The following CEP192 variants were observed in gnomAD, a reference collection of about 807,000 sequenced individuals.
CEP192 encodes the protein centrosomal protein of 192 kDa.
In CEP192, 151 loss-of-function variants were observed where a neutral mutation model predicts 271.8. The observed-to-expected ratio is 0.56, with a 90% CI of 0.49 to 0.64. The LOEUF (loss-of-function observed/expected upper bound fraction) is 0.64, where lower values mean the gene tolerates loss of function less well. Ranked by LOEUF, CEP192 falls within the 30% of genes least tolerant of loss-of-function variation. CEP192 has a pLI of 0.00. For synonymous variants in CEP192, 995 were observed against 1,076.5 expected, an observed-to-expected ratio of 0.92 and a Z score of 1.48; for missense variants, 2,910 against 3,020.5, an observed-to-expected ratio of 0.96 and a Z score of 0.86.
intron 7 of CEP192, among the ~76,000 whole-genome samples, chr18:13,017,577 C>T (rs1599079440): frequency 6.6e-6 from 1 of 152,192 alleles, no homozygotes; most frequent in South Asian, 2.1e-4. Flanking sequence ...CTCCAGTTAA[C>T]CAATTGCTAA....
intron 4 of CEP192, among the ~76,000 whole-genome samples, chr18:13,009,482 G>A (rs535339763): frequency 5.5e-4 from 84 of 152,188 alleles, no homozygotes; most frequent in African/African-American, 2.0e-3. Flanking sequence ...AGAAATTACT[G>A]TTTCTAAGAA....
At chr18:13,088,989 G>A (rs930638079) in intron 32 of CEP192, 1 of 380,376 alleles carries the variant, frequency 2.6e-6, no homozygotes, top group African/African-American at 2.1e-5. Context: ...ATTAACAGTA[G>A]TGAGATTTTT....
chr18:13,099,706 G>A, intron 37 of CEP192, 125 bp downstream of exon 37: 1 of 561,540 alleles, frequency 1.8e-6, no homozygotes, highest in East Asian at 3.0e-5. Flanking sequence ...CTTCATATTT[G>A]TGGGTTCCAC....
rs538076694 is a variant in CEP192, at chr18:13,056,563, A to C, written c.3973A>C (p.Thr1325Pro). The C allele has an allele frequency of 6.2e-7, 1 of 1,614,080 alleles. No individual in the cohort carries two copies. The highest frequency in any genetic ancestry group is 8.5e-7 in the Non-Finnish European group (1 of 1,179,984). Residue 1325 changes from threonine (T) to proline (P), a missense_variant, in exon 19 of 45, where the codon ACC (threonine) becomes CCC (proline). By Grantham distance (38) the Thr-to-Pro change is conservative. Transcript: ENST00000506447. The stretch of plus-strand genomic sequence containing the variant: ...AAATATCGGCTCTGGATGGATGGGT[A>C]CCTCTTCCCTCTGTAACCCATATTC... Reference protein sequence around the residue: ...GSNIGSGWMGTSSLCNPYSNT... With the variant: ...GSNIGSGWMGPSSLCNPYSNT...
chr18:13,033,998 G>C (rs2143641001), intron 11 of CEP192, among the ~76,000 whole-genome samples: 1 of 152,310 alleles, frequency 6.6e-6, no homozygotes. Context: ...GGGGGTGTGG[G>C]AAACTAGGGT....
intron 39 of CEP192, chr18:13,103,857 CT>C (rs1262909869): frequency 1.9e-6 from 1 of 525,988 alleles, no homozygotes; most frequent in African/African-American, 1.9e-5. Flanking sequence ...GTCCAGCTAA[CT>C]TTTTGTTTTT....
intron 1 of CEP192, 90 bp from the exon 2 acceptor site, chr18:12,999,331 G>C: frequency 9.6e-7 from 1 of 1,037,698 alleles, no homozygotes; most frequent in Non-Finnish European, 1.3e-6. Context: ...TTTTTCCTAA[G>C]ATTTATTAGT....
intron 4 of CEP192, among the ~76,000 whole-genome samples, chr18:13,010,622 G>A (rs931274790): frequency 6.6e-6 from 1 of 152,164 alleles, no homozygotes; most frequent in African/African-American, 2.4e-5. Context: ...CAAGGCGGGC[G>A]GATCACCTGA....
In CEP192 at chr18:13,057,130, A is replaced by G. The variant is rs145994933; in HGVS notation, c.4108+432A>G. Among the ~76,000 whole-genome samples, 902 of 152,252 alleles carry G rather than the reference A, an allele frequency of 5.9e-3. 9 individuals carry two copies. The highest frequency in any genetic ancestry group is 0.021 in the African/African-American group (867 of 41,558). ...TTTTACTGACATGGTGCACACGGCC[A>G]CTGGGGTGCTGTCTTCTCTGCCCTC... On this transcript the variant is annotated intron_variant, in intron 19 of 44. Transcript: ENST00000506447.
Position 13,018,489 on chromosome 18 carries a change from A to G in CEP192, c.799A>G (p.Asn267Asp), listed in dbSNP as rs1438811804. ...PTNGLRQANE[N>D]GSLNCKFQSE... ...GATATTCTTTCAACAGGCAAATGAA[A>G]ACGGTAGCTTAAACTGCAAGTTTCA... The change falls in exon 8 of 45, where the codon AAC becomes GAC. Residue 267 changes from asparagine (N) to aspartate (D), a missense_variant. Coordinates refer to ENST00000506447, the MANE Select transcript of CEP192 (RefSeq NM_032142.4). 2.6e-6 allele frequency: 4 copies of G among 1,524,990 alleles called. No individual in the cohort carries two copies. Among genetic ancestry groups the G allele is most frequent in the Non-Finnish European group, 2.7e-6 (3 of 1,131,646 alleles). The allele number at this position is 1,524,990 out of a possible 1,614,324, so 94.5% of individuals were successfully genotyped here.
At chr18:13,094,475 C>T (rs1174450390) in intron 34 of CEP192, among the ~76,000 whole-genome samples, 1 of 152,092 alleles carries the variant, frequency 6.6e-6, no homozygotes, top group Non-Finnish European at 1.5e-5. Flanking sequence ...GTTATTTGGT[C>T]CTGCATTGCA....
intron 30 of CEP192, among the ~76,000 whole-genome samples, chr18:13,081,436 T>C (rs1021170234): frequency 6.6e-6 from 1 of 152,098 alleles, no homozygotes; most frequent in Admixed American, 6.5e-5. Flanking sequence ...GGTGTTTATA[T>C]TATTCTCTGA....
chr18:13,104,526 C>T lies in CEP192; in HGVS notation c.6952-458C>T, dbSNP rs1206212519. Among the ~76,000 whole-genome samples the T allele has an allele frequency of 3.9e-5, 6 of 152,116 alleles. No individual in the cohort carries two copies. The South Asian group carries it at 8.3e-4, about 21-fold the overall frequency. On this transcript the variant is annotated intron_variant, in intron 39 of 44. Coordinates refer to ENST00000506447, the MANE Select transcript of CEP192 (RefSeq NM_032142.4). Reference sequence around the variant, plus strand: ...ACTTGGGAGGCTGAGGTGGGAGGATCGCTTGAGCCCAGGAGGTCGAGGCTG... The same window carrying T: ...ACTTGGGAGGCTGAGGTGGGAGGATTGCTTGAGCCCAGGAGGTCGAGGCTG...
chr18:13,100,190 A>AT, intron 37 of CEP192, 115 bp from the exon 38 acceptor site: 1 of 690,470 alleles, frequency 1.4e-6, no homozygotes, highest in Non-Finnish European at 2.5e-6. Flanking sequence ...TCCTAAATTT[A>AT]TTGATGTTTT....
intron 11 of CEP192, among the ~76,000 whole-genome samples, chr18:13,035,409 C>G (rs1011013971): frequency 1.3e-5 from 2 of 152,038 alleles, no homozygotes; most frequent in African/African-American, 4.8e-5. Context: ...TCTTACATGG[C>G]GGCAGCAAGA....
intron 13 of CEP192, among the ~76,000 whole-genome samples, chr18:13,040,154 A>G (rs1218593228): frequency 1.3e-5 from 2 of 152,228 alleles, no homozygotes; most frequent in Non-Finnish European, 2.9e-5. Flanking sequence ...TGGATCATGA[A>G]AAAAATGGAT....
intron 9 of CEP192, among the ~76,000 whole-genome samples, chr18:13,019,850 C>G (rs2034883214): frequency 6.6e-6 from 1 of 150,686 alleles, no homozygotes; most frequent in Non-Finnish European, 1.5e-5. Context: ...GAGACAGTCT[C>G]ACTCTGTCAC....
At position 13,103,485 on chromosome 18, in the gene CEP192, TTATGA is replaced by T. The variant is rs1387827954; in HGVS notation, c.6872-20_6872-16del. 1.9e-6 allele frequency: 3 copies of T among 1,593,290 alleles called. No homozygotes were observed. Among genetic ancestry groups the T allele is most frequent in the African/African-American group, 2.7e-5 (2 of 74,444 alleles). ...GTTCTCCAGTCTCTCCGAGTTTGAG[TTATGA>T]TATATGTGTTCCTTTTAGAGAGCTG... On this transcript the variant is annotated intron_variant, in intron 38 of 44. Transcript: ENST00000506447.
chr18:13,038,071 T>C (rs1425549077), intron 12 of CEP192, among the ~76,000 whole-genome samples: 1 of 152,154 alleles, frequency 6.6e-6, no homozygotes, highest in Non-Finnish European at 1.5e-5. Flanking sequence ...ACTCCTGGGC[T>C]CACATGAGTC....
Sources: allele counts gnomAD v4.1 joint callset (sites outside exome capture counted in the v4.1 genomes callset), GRCh38; gene constraint gnomAD v4.1.1; transcripts MANE v1.5; gene names NCBI Gene and HGNC (gene_info 2026-07-23, HGNC 2026-07-21).